The following PCDH15 variants were observed in gnomAD, a reference collection of about 807,000 sequenced individuals.
PCDH15 encodes protocadherin-15.
In PCDH15, 129 loss-of-function variants were observed where a neutral mutation model predicts 178.5. That is an observed-to-expected ratio of 0.72 (90% CI 0.63 to 0.84). The LOEUF is 0.84. PCDH15 is among the 40% of genes least tolerant of loss of function. The pLI is 0.00. For missense variants in PCDH15, 2,230 were observed against 2,099.9 expected (o/e 1.06, Z -1.21); for synonymous variants, 800 against 732.0 (o/e 1.09, Z -1.50).
At chr10:54,999,859 T>G (rs1330668394) in intron 2 of PCDH15, among the ~76,000 whole-genome samples, 1 of 152,190 alleles carries the variant, frequency 6.6e-6, no homozygotes, top group East Asian at 1.9e-4. Flanking sequence ...AGACATCACA[T>G]GTTGGCAGGT....
intron 2 of PCDH15, among the ~76,000 whole-genome samples, chr10:54,650,767 A>G (rs1404543330): frequency 6.6e-6 from 1 of 152,050 alleles, no homozygotes; most frequent in East Asian, 1.9e-4. Context: ...CCCCTTACAA[A>G]ACCATCAGAT....
At chr10:54,440,175 A>G (rs1238193061) in intron 3 of PCDH15, among the ~76,000 whole-genome samples, 1 of 152,022 alleles carries the variant, frequency 6.6e-6, no homozygotes, top group Non-Finnish European at 1.5e-5. Flanking sequence ...TTTTTCATTC[A>G]CAACAAAAAC....
chr10:53,896,623 C>T (rs1161922517), intron 26 of PCDH15, among the ~76,000 whole-genome samples: 2 of 152,126 alleles, frequency 1.3e-5, no homozygotes, highest in African/African-American at 4.8e-5. Context: ...AAGAACTGGG[C>T]CACACAGCAG....
At chr10:53,923,855 C>T (rs1044854636) in intron 25 of PCDH15, among the ~76,000 whole-genome samples, 1 of 152,232 alleles carries the variant, frequency 6.6e-6, no homozygotes, top group Non-Finnish European at 1.5e-5. Context: ...AATGGCTATT[C>T]TTTTCCTCTC....
At chr10:55,518,355 C>T (rs1841070992) in intron 2 of PCDH15, among the ~76,000 whole-genome samples, 1 of 152,064 alleles carries the variant, frequency 6.6e-6, no homozygotes, top group African/African-American at 2.4e-5. Flanking sequence ...GACAATATAT[C>T]TAACAGTCTG....
At chr10:54,269,751 T>C (rs2057929822) in intron 8 of PCDH15, among the ~76,000 whole-genome samples, 1 of 152,010 alleles carries the variant, frequency 6.6e-6, no homozygotes, top group Admixed American at 6.6e-5. Flanking sequence ...TTAGTTTTCT[T>C]TCCTCTTAAC....
rs577755262 is a variant in PCDH15 at position 54,360,784 on chromosome 10, A to G, written c.474+8336T>C. 3.0e-3 allele frequency among the ~76,000 whole-genome samples: 451 copies of G among 152,216 alleles called. 5 individuals carry two copies. Among genetic ancestry groups the G allele is most frequent in the African/African-American group, 0.011 (437 of 41,558 alleles). Reference sequence around the variant, plus strand: ...TTACAGTGTCCCCTCATGATCAATTAAAGGGCATTTTCTGGTTGCTACTCT... The same window carrying G: ...TTACAGTGTCCCCTCATGATCAATTGAAGGGCATTTTCTGGTTGCTACTCT... On this transcript the variant is annotated intron_variant, in intron 5 of 37. Transcript: ENST00000644397.
At chr10:55,033,951 C>T (rs1840674396) in intron 2 of PCDH15, among the ~76,000 whole-genome samples, 1 of 152,056 alleles carries the variant, frequency 6.6e-6, no homozygotes, top group African/African-American at 2.4e-5. Context: ...GAGTTTGCCC[C>T]TTTTGTCCCT....
At chr10:54,218,549 G>C (rs1345555964) in intron 9 of PCDH15, among the ~76,000 whole-genome samples, 1 of 152,036 alleles carries the variant, frequency 6.6e-6, no homozygotes, top group Non-Finnish European at 1.5e-5. Flanking sequence ...CTCTGTCCAA[G>C]GGCACACAGA....
chr10:54,622,697 ATTTTC>A (rs2093417808), intron 2 of PCDH15, among the ~76,000 whole-genome samples: 2 of 84,144 alleles, frequency 2.4e-5, no homozygotes, highest in African/African-American at 4.8e-5. Flanking sequence ...TATAATATAT[ATTTTC>A]TATATATTAT....
At chr10:54,562,628 A>G (rs1438936822) in intron 2 of PCDH15, among the ~76,000 whole-genome samples, 1 of 152,160 alleles carries the variant, frequency 6.6e-6, no homozygotes, top group Non-Finnish European at 1.5e-5. Flanking sequence ...ACCTAGATAT[A>G]CATACATGTA....
At chr10:55,413,074 T>C (rs1258315409) in intron 2 of PCDH15, among the ~76,000 whole-genome samples, 1 of 151,866 alleles carries the variant, frequency 6.6e-6, no homozygotes, top group Non-Finnish European at 1.5e-5. Flanking sequence ...TATGAAAAAC[T>C]AGTTTAGTTT....
intron 2 of PCDH15, among the ~76,000 whole-genome samples, chr10:55,514,872 T>C (rs886309259): frequency 6.6e-6 from 1 of 151,920 alleles, no homozygotes; most frequent in African/African-American, 2.4e-5. Context: ...AGAGAGATTG[T>C]ACTTTCTACT....
chr10:55,064,715 T>C (rs565377168), intron 2 of PCDH15, among the ~76,000 whole-genome samples: 3 of 152,178 alleles, frequency 2.0e-5, no homozygotes, highest in Middle Eastern at 3.4e-3. Flanking sequence ...ATAATGTAGT[T>C]ACGAGTTTTC....
chr10:54,836,110 G>C (rs1345713702), intron 3 of PCDH15, among the ~76,000 whole-genome samples: 1 of 152,084 alleles, frequency 6.6e-6, no homozygotes, highest in Non-Finnish European at 1.5e-5. Flanking sequence ...ATTATAATAA[G>C]TTAAAAAACA....
chr10:55,220,820 A>G (rs1840852512), intron 1 of PCDH15, among the ~76,000 whole-genome samples: 1 of 152,018 alleles, frequency 6.6e-6, no homozygotes, highest in African/African-American at 2.4e-5. Context: ...GTTGTTGTTA[A>G]GTTAGGTAAT....
chr10:55,337,018 G>C (rs1844414471), intron 2 of PCDH15, among the ~76,000 whole-genome samples: 1 of 152,092 alleles, frequency 6.6e-6, no homozygotes, highest in Non-Finnish European at 1.5e-5. Flanking sequence ...AATTGTAACA[G>C]CTAAAAGTCT....
intron 7 of PCDH15, among the ~76,000 whole-genome samples, chr10:54,321,859 G>A (rs929673870): frequency 2.6e-5 from 4 of 151,966 alleles, no homozygotes; most frequent in African/African-American, 7.2e-5. Flanking sequence ...GAGCAGAGAT[G>A]TAGCAACAAA....
chr10:54,729,554 G>A (rs1428678599), intron 1 of PCDH15, among the ~76,000 whole-genome samples: 1 of 151,540 alleles, frequency 6.6e-6, no homozygotes, highest in South Asian at 2.1e-4. Flanking sequence ...TTGACAAGTG[G>A]GACCTAATTA....
Sources: allele counts gnomAD v4.1 joint callset (sites outside exome capture counted in the v4.1 genomes callset), GRCh38; gene constraint gnomAD v4.1.1; transcripts MANE v1.5; gene names NCBI Gene and HGNC (gene_info 2026-07-23, HGNC 2026-07-21).